The following PDE4D variants were observed in gnomAD, a reference collection of about 807,000 sequenced individuals.
The protein encoded by PDE4D is 3',5'-cyclic-AMP phosphodiesterase 4D.
Under a neutral mutation model 87.4 loss-of-function variants are expected in PDE4D, and 24 were observed. The observed-to-expected ratio is 0.27, with a 90% CI of 0.20 to 0.39. The LOEUF is 0.39. PDE4D is among the 10% of genes least tolerant of loss of function. The pLI, the probability that PDE4D is intolerant of heterozygous loss-of-function variation, is 1.00. For missense variants in PDE4D, 714 were observed against 1,041.0 expected, an observed-to-expected ratio of 0.69 and a Z score of 4.32; for synonymous variants, 384 against 383.2, an observed-to-expected ratio of 1.00 and a Z score of -0.02.
In PDE4D at chr5:59,765,564, T is replaced by A. The variant is rs1374955246; in HGVS notation, c.455+127604A>T. Among the ~76,000 whole-genome samples, 4 of 152,210 alleles carry A rather than the reference T, an allele frequency of 2.6e-5. 1 individual carries two copies. Among genetic ancestry groups the A allele is most frequent in the African/African-American group, 9.6e-5 (4 of 41,520 alleles). On this transcript the variant is annotated intron_variant, in intron 1 of 14. Transcript: ENST00000340635. ...TGAGTTCCAGCCAGAAGAAAACGAGTATAAGTGACATGTGCACTTCCCGGC... is the reference window on the plus strand; with the variant it reads ...TGAGTTCCAGCCAGAAGAAAACGAGAATAAGTGACATGTGCACTTCCCGGC...
chr5:59,952,109 A>C (rs1758353841), intron 3 of PDE4D, among the ~76,000 whole-genome samples: 1 of 152,132 alleles, frequency 6.6e-6, no homozygotes, highest in Non-Finnish European at 1.5e-5. Flanking sequence ...AATTCTAAAG[A>C]GATCTGATAG....
chr5:59,986,597 AC>A (rs1561946677), intron 3 of PDE4D: 3 of 152,188 alleles, frequency 2.0e-5, no homozygotes, highest in Non-Finnish European at 4.4e-5. Flanking sequence ...TTCTAAGATA[AC>A]CTGGTGTGTA....
chr5:59,144,456 G>C (rs558326699), intron 5 of PDE4D, among the ~76,000 whole-genome samples: 1 of 152,076 alleles, frequency 6.6e-6, no homozygotes, highest in African/African-American at 2.4e-5. Context: ...GTAAATAAAG[G>C]GTAAACGTAT....
chr5:60,029,154 C>T (rs1359514881), intron 2 of PDE4D, among the ~76,000 whole-genome samples: 2 of 152,156 alleles, frequency 1.3e-5, no homozygotes, highest in Non-Finnish European at 2.9e-5. Context: ...GATTGCATAG[C>T]AGTGAAGTCA....
chr5:59,014,359 C>A (rs1056131217), intron 6 of PDE4D, among the ~76,000 whole-genome samples: 1 of 152,132 alleles, frequency 6.6e-6, no homozygotes, highest in African/African-American at 2.4e-5. Flanking sequence ...GTCAAATTGT[C>A]CCTGTTTGCA....
intron 2 of PDE4D, among the ~76,000 whole-genome samples, chr5:60,130,772 T>C (rs967790499): frequency 1.3e-5 from 2 of 152,146 alleles, no homozygotes; most frequent in Non-Finnish European, 2.9e-5. Context: ...ACACAGACCA[T>C]CACATTGAGC....
chr5:59,174,450 C>G (rs1001770464), intron 5 of PDE4D: 1 of 152,646 alleles, frequency 6.6e-6, no homozygotes, highest in African/African-American at 2.4e-5. Flanking sequence ...AAAGAGCAGG[C>G]AGCTGTACTA....
At chr5:59,242,391 T>C (rs546752332) in intron 1 of PDE4D, among the ~76,000 whole-genome samples, 7 of 152,270 alleles carry the variant, frequency 4.6e-5, no homozygotes, top group Admixed American at 1.3e-4. Flanking sequence ...CTGATCTTTT[T>C]TCAACTAGTC....
intron 3 of PDE4D, among the ~76,000 whole-genome samples, chr5:59,940,225 C>T (rs150846879): frequency 6.6e-6 from 1 of 152,180 alleles, no homozygotes; most frequent in African/African-American, 2.4e-5. Context: ...TCAACTCAAG[C>T]ACCACAGGAG....
At chr5:60,136,759 T>G (rs896304732) in intron 2 of PDE4D, among the ~76,000 whole-genome samples, 11 of 152,152 alleles carry the variant, frequency 7.2e-5, no homozygotes, top group Admixed American at 5.9e-4. Context: ...TCAGTTAATA[T>G]AAATTTTTTT....
intron 1 of PDE4D, among the ~76,000 whole-genome samples, chr5:59,614,893 A>G (rs2150083490): frequency 6.6e-6 from 1 of 150,820 alleles, no homozygotes; most frequent in Non-Finnish European, 1.5e-5. Context: ...GTGCAGTGGC[A>G]CAGTCTCGGT....
intron 2 of PDE4D, among the ~76,000 whole-genome samples, chr5:60,148,141 T>C (rs1435631319): frequency 6.6e-6 from 1 of 152,150 alleles, no homozygotes; most frequent in Non-Finnish European, 1.5e-5. Flanking sequence ...CCAAGGATAG[T>C]TTATTACCCC....
Position 59,570,930 on chromosome 5 carries a change from C to T in PDE4D, c.455+322238G>A, listed in dbSNP as rs1821732066. Among the ~76,000 whole-genome samples, 3 of 152,096 alleles carry T rather than the reference C, an allele frequency of 2.0e-5. No homozygotes were observed. In the South Asian group the frequency reaches 6.2e-4, roughly 32 times the overall value. On this transcript the variant is annotated intron_variant, in intron 1 of 14. Coordinates refer to ENST00000340635, the MANE Select transcript of PDE4D (RefSeq NM_001104631.2). ...ATAAATTAGCAAAGCAAAAGAAATA[C>T]ATTAAATATCTAATATTTAGTAACT...
At chr5:59,991,288 T>C (rs890994009) in intron 2 of PDE4D, among the ~76,000 whole-genome samples, 3 of 151,976 alleles carry the variant, frequency 2.0e-5, no homozygotes, top group African/African-American at 7.2e-5. Context: ...TTGTATAATG[T>C]CTTGATTTTT....
intron 1 of PDE4D, among the ~76,000 whole-genome samples, chr5:60,249,739 C>A (rs1005306705): frequency 1.3e-5 from 2 of 151,850 alleles, no homozygotes; most frequent in Non-Finnish European, 2.9e-5. Context: ...AATTCATTTG[C>A]AATAGAAAAT....
At chr5:60,169,048 C>T (rs533414175) in intron 2 of PDE4D, among the ~76,000 whole-genome samples, 19 of 152,042 alleles carry the variant, frequency 1.2e-4, no homozygotes, top group Non-Finnish European at 2.5e-4. Flanking sequence ...TAGGATTTTG[C>T]CTTCTTTTCC....
At chr5:59,086,615 T>C (rs753916691) in intron 5 of PDE4D, among the ~76,000 whole-genome samples, 4 of 152,162 alleles carry the variant, frequency 2.6e-5, no homozygotes, top group Non-Finnish European at 4.4e-5. Flanking sequence ...TCTTCCACAT[T>C]CCATAAATTT....
chr5:59,207,031 A>G (rs1480048928), intron 2 of PDE4D, among the ~76,000 whole-genome samples: 2 of 152,088 alleles, frequency 1.3e-5, no homozygotes, highest in African/African-American at 2.4e-5. Flanking sequence ...AAAAATTAAA[A>G]AAAATTAGCC....
chr5:59,958,260 T>G (rs1323520776), intron 3 of PDE4D, among the ~76,000 whole-genome samples: 3 of 152,190 alleles, frequency 2.0e-5, no homozygotes, highest in African/African-American at 7.2e-5. Flanking sequence ...ATATAGGATT[T>G]TATTTACATA....
Sources: allele counts gnomAD v4.1 joint callset (sites outside exome capture counted in the v4.1 genomes callset), GRCh38; gene constraint gnomAD v4.1.1; transcripts MANE v1.5; gene names NCBI Gene and HGNC (gene_info 2026-07-23, HGNC 2026-07-21).